The following NGEF variants were observed in gnomAD, a reference collection of about 807,000 sequenced individuals.
The protein encoded by NGEF is neuronal guanine nucleotide exchange factor.
NGEF carries 31 observed loss-of-function variants against 80.9 expected under a neutral mutation model. That is an observed-to-expected ratio of 0.38 (90% CI 0.29 to 0.52). The LOEUF (loss-of-function observed/expected upper bound fraction) is 0.52, where lower values mean the gene tolerates loss of function less well. Ranked by LOEUF, NGEF falls within the 20% of genes least tolerant of loss-of-function variation. The pLI, the probability that NGEF is intolerant of heterozygous loss-of-function variation, is 0.84. For missense variants in NGEF, 709 were observed against 926.2 expected, an observed-to-expected ratio of 0.77 and a Z score of 3.04; for synonymous variants, 371 against 370.2, an observed-to-expected ratio of 1.00 and a Z score of -0.03.
Position 232,995,340 on chromosome 2 carries a change from A to G in NGEF, c.-75+17728T>C, listed in dbSNP as rs199506665. 6.2e-3 allele frequency among the ~76,000 whole-genome samples: 24 copies of G among 3,868 alleles called. 8 individuals are homozygous for G. The highest frequency in any genetic ancestry group is 0.033 in the African/African-American group (13 of 392). The allele number at this position is 3,868 out of a possible 152,430, so 2.5% of individuals were successfully genotyped here. A position where few individuals can be genotyped will look rare whatever the true frequency, so the allele number is the denominator to read the frequency against. On this transcript the variant is annotated intron_variant, in intron 1 of 14. Transcript: ENST00000264051. ...TGTATATGTGTACAGTATGTATACTATATACAGTATGTATACTGTATACTG... is the reference window on the plus strand; with the variant it reads ...TGTATATGTGTACAGTATGTATACTGTATACAGTATGTATACTGTATACTG...
chr2:232,982,407 C>T (rs1311346308), intron 1 of NGEF, among the ~76,000 whole-genome samples: 1 of 152,160 alleles, frequency 6.6e-6, no homozygotes. Context: ...CCCAGCACCC[C>T]TAAGAGAGGG....
chr2:233,006,040 C>T (rs1189950898), intron 1 of NGEF, among the ~76,000 whole-genome samples: 1 of 152,196 alleles, frequency 6.6e-6, no homozygotes, highest in African/African-American at 2.4e-5. Flanking sequence ...TGGTCTCGAA[C>T]TCTTGACCTC....
chr2:232,956,487 G>A (rs1398313409), intron 3 of NGEF, among the ~76,000 whole-genome samples: 2 of 152,132 alleles, frequency 1.3e-5, no homozygotes, highest in Non-Finnish European at 1.5e-5. Context: ...CCAGAATTAG[G>A]CTGGGCACAG....
In NGEF at chr2:232,900,240, GCT is replaced by G. The variant is rs1181475231; in HGVS notation, c.829-5326_829-5325del. Among the ~76,000 whole-genome samples, 23 of 92,476 alleles carry G rather than the reference GCT, an allele frequency of 2.5e-4. 1 individual carries two copies. Among genetic ancestry groups the G allele is most frequent in the African/African-American group, 8.8e-4 (19 of 21,700 alleles). 60.7% of individuals were successfully genotyped at this position (92,476 alleles called of 152,430 possible). A position where few individuals can be genotyped will look rare whatever the true frequency, so the allele number is the denominator to read the frequency against. ...CGTTCACTCACATTCACACACACAC[GCT>G]CTCAGTCACTCATATACACGTTCAC... On this transcript the variant is annotated intron_variant, in intron 5 of 14. Transcript: ENST00000264051.
chr2:232,987,550 G>T (rs897693027), intron 1 of NGEF, among the ~76,000 whole-genome samples: 1 of 152,122 alleles, frequency 6.6e-6, no homozygotes, highest in African/African-American at 2.4e-5. Context: ...AAGGCCCAGG[G>T]CTCCCTGCAG....
intron 5 of NGEF, among the ~76,000 whole-genome samples, chr2:232,902,702 T>C (rs1480968452): frequency 2.0e-5 from 3 of 152,256 alleles, no homozygotes; most frequent in East Asian, 3.8e-4. Flanking sequence ...AGAAATGTTA[T>C]GTTAAAACCA....
chr2:232,942,840 T>C lies in NGEF; in HGVS notation c.384-15654A>G, dbSNP rs143332229. ...AAAGAAGAAAATGATGAGTGTACCT[T>C]GAGCTCAAGTAGTACCATTATTTTC... On this transcript the variant is annotated intron_variant, in intron 3 of 14. Transcript: ENST00000264051. 1.5e-4 allele frequency among the ~76,000 whole-genome samples: 22 copies of C among 147,764 alleles called. No individual in the cohort carries two copies. The East Asian group carries it at 3.1e-3, about 21-fold the overall frequency.
chr2:233,003,400 C>G (rs1695021156), intron 1 of NGEF, among the ~76,000 whole-genome samples: 1 of 152,204 alleles, frequency 6.6e-6, no homozygotes, highest in Non-Finnish European at 1.5e-5. Flanking sequence ...CTTGGCTTTT[C>G]TCTTCAAACG....
chr2:233,005,395 C>T (rs1418609264), intron 1 of NGEF, among the ~76,000 whole-genome samples: 1 of 152,252 alleles, frequency 6.6e-6, no homozygotes, highest in Admixed American at 6.5e-5. Flanking sequence ...CCAAACACTT[C>T]TGCCCAGATT....
At chr2:232,963,324 C>G (rs964463782) in intron 3 of NGEF, among the ~76,000 whole-genome samples, 27 of 152,010 alleles carry the variant, frequency 1.8e-4, no homozygotes, top group African/African-American at 6.3e-4. Context: ...ATAAACAGTG[C>G]AAGAGCAACT....
chr2:232,984,776 A>C (rs1694500365), intron 1 of NGEF, among the ~76,000 whole-genome samples: 1 of 152,212 alleles, frequency 6.6e-6, no homozygotes, highest in Admixed American at 6.5e-5. Context: ...ACTTCTAAAA[A>C]GTTAAACGTT....
At chr2:232,959,704 C>G (rs1031948801) in intron 3 of NGEF, among the ~76,000 whole-genome samples, 2 of 152,084 alleles carry the variant, frequency 1.3e-5, no homozygotes. Context: ...CTCAGTCTCC[C>G]GAGTAGCTGG....
At position 232,892,946 on chromosome 2, in the gene NGEF, G is replaced by C; in HGVS notation, c.1094C>G (p.Thr365Ser). The change falls in exon 7 of 15, where the codon ACC (threonine) becomes AGC (serine). Residue 365 changes from threonine (T) to serine (S), a missense_variant. Physicochemically the swap from Thr to Ser is moderately conservative, Grantham distance 58. Coordinates refer to ENST00000264051, the MANE Select transcript of NGEF (RefSeq NM_019850.3). The surrounding 1 kb of genome is among the most constrained non-coding windows in gnomAD (Gnocchi z 4.0). ...CTGGTAGGTCTGATTGCTGACGTAG[G>C]TGATGTAGACAGAGAAGTGGTCGGC... ...YAADHFSVYI[T>S]YVSNQTYQER... is the part of the protein sequence containing the mutation. The C allele has an allele frequency of 6.2e-7, 1 of 1,613,646 alleles. No individual in the cohort carries two copies. The highest frequency in any genetic ancestry group is 8.5e-7 in the Non-Finnish European group (1 of 1,179,952).
intron 5 of NGEF, among the ~76,000 whole-genome samples, chr2:232,896,061 G>A (rs573870911): frequency 1.6e-4 from 18 of 112,052 alleles, no homozygotes; most frequent in Admixed American, 1.6e-3. Flanking sequence ...TACTTAGGGC[G>A]GGTTCAGGTC....
At chr2:232,949,649 G>C (rs1176229783) in intron 3 of NGEF, among the ~76,000 whole-genome samples, 1 of 148,026 alleles carries the variant, frequency 6.8e-6, no homozygotes, top group African/African-American at 2.5e-5. Flanking sequence ...GGCTAATTTT[G>C]TATTTTTTAA....
In NGEF at chr2:232,927,940, G is replaced by C. The variant is rs959320346; in HGVS notation, c.384-754C>G. The C allele has an allele frequency of 2.2e-5, 29 of 1,347,414 alleles. No homozygotes were observed. In the African/African-American group the frequency reaches 2.7e-4, roughly 13 times the overall value. The allele number at this position is 1,347,414 out of a possible 1,614,324, so 83.5% of individuals were successfully genotyped here. On this transcript the variant is annotated intron_variant, in intron 3 of 14. Transcript: ENST00000264051. The stretch of plus-strand genomic sequence containing the variant: ...CCGAGTCGCGCGCGTCGCTTTCCGA[G>C]GTGGAACTGTCGTGGTCCACGGCGC...
chr2:232,972,595 TG>T (rs1694215888), intron 2 of NGEF, among the ~76,000 whole-genome samples: 1 of 152,172 alleles, frequency 6.6e-6, no homozygotes. Context: ...TCAATCTCTG[TG>T]GGCCTCAGTT....
chr2:232,999,030 C>G (rs572858023), intron 1 of NGEF, among the ~76,000 whole-genome samples: 1 of 152,268 alleles, frequency 6.6e-6, no homozygotes, highest in East Asian at 1.9e-4. Context: ...GACCCCGGAA[C>G]AGCAGGCAGA....
At position 232,974,663 on chromosome 2, in the gene NGEF, C is replaced by CTTGGCTT. The variant is rs763446624; in HGVS notation, c.221_227dup (p.Ala77SerfsTer26). 2 of 1,614,124 alleles carry CTTGGCTT rather than the reference C, an allele frequency of 1.2e-6. No individual in the cohort carries two copies. The highest frequency in any genetic ancestry group is 2.7e-5 in the African/African-American group (2 of 74,936). On this transcript the variant is annotated frameshift_variant, in exon 2 of 15. Transcript: ENST00000264051. LOFTEE classifies it high-confidence loss of function. ...CGTTCCGTTCGGGGTTGTCTCTGGC[C>CTTGGCTT]TTGGCTTTGCTTTTGCGTCTTATGG...
Sources: allele counts gnomAD v4.1 joint callset (sites outside exome capture counted in the v4.1 genomes callset), GRCh38; gene constraint gnomAD v4.1.1; non-coding constraint Gnocchi (gnomAD v3.1); transcripts MANE v1.5; gene names NCBI Gene and HGNC (gene_info 2026-07-23, HGNC 2026-07-21).